Variants in KLHL2 observed in about 807,000 individuals in gnomAD.
KLHL2 encodes the protein kelch like family member 2.
KLHL2 carries 15 observed loss-of-function variants against 75.8 expected under a neutral mutation model. The observed-to-expected ratio is 0.20, with a 90% CI of 0.13 to 0.30. The LOEUF (loss-of-function observed/expected upper bound fraction) is 0.30, where lower values mean the gene tolerates loss of function less well. KLHL2 is among the 10% of genes least tolerant of loss of function. KLHL2 has a pLI of 1.00. For missense variants in KLHL2, 381 were observed against 741.0 expected, an observed-to-expected ratio of 0.51 and a Z score of 5.64; for synonymous variants, 214 against 251.9, an observed-to-expected ratio of 0.85 and a Z score of 1.42.
intron 5 of KLHL2, among the ~76,000 whole-genome samples, chr4:165,263,805 G>GT (rs55901119): frequency 0.023 from 1,548 of 66,508 alleles, 79 homozygotes; most frequent in Admixed American, 0.039. Flanking sequence ...TTTTTACATT[G>GT]TTTTTTTTTT....
chr4:165,306,616 T>C (rs1745747653), intron 9 of KLHL2, among the ~76,000 whole-genome samples: 1 of 152,244 alleles, frequency 6.6e-6, no homozygotes, highest in Admixed American at 6.5e-5. Context: ...CAGTACTTTG[T>C]AATTAAATGT....
chr4:165,208,090 G>A (rs989760506), intron 1 of KLHL2, among the ~76,000 whole-genome samples, 188 bp downstream of exon 1: 1 of 151,846 alleles, frequency 6.6e-6, no homozygotes, highest in African/African-American at 2.4e-5. Flanking sequence ...CTGGCCAGGC[G>A]GTGACTTAAA....
At chr4:165,307,785 T>C (rs1226108472) in intron 9 of KLHL2, among the ~76,000 whole-genome samples, 1 of 152,230 alleles carries the variant, frequency 6.6e-6, no homozygotes, top group Non-Finnish European at 1.5e-5. Context: ...GACAAAATTA[T>C]ATTTTAAAAA....
chr4:165,219,427 A>G (rs1177061383), intron 1 of KLHL2, among the ~76,000 whole-genome samples: 2 of 152,268 alleles, frequency 1.3e-5, no homozygotes, highest in Admixed American at 1.3e-4. Context: ...ACTATTAACT[A>G]ACATGATTAA....
chr4:165,300,736 T>A (rs1745288280), intron 8 of KLHL2, among the ~76,000 whole-genome samples: 1 of 152,184 alleles, frequency 6.6e-6, no homozygotes, highest in Non-Finnish European at 1.5e-5. Context: ...AAAGACTTTA[T>A]TTATGTATTT....
intron 13 of KLHL2, among the ~76,000 whole-genome samples, chr4:165,316,836 G>A (rs929637626): frequency 1.3e-5 from 2 of 152,106 alleles, no homozygotes; most frequent in Non-Finnish European, 2.9e-5. Context: ...TCCAAGGTAG[G>A]TTGGTTGGCC....
At chr4:165,285,764 A>C (rs1172320290) in intron 5 of KLHL2, among the ~76,000 whole-genome samples, 3 of 131,610 alleles carry the variant, frequency 2.3e-5, no homozygotes, top group Non-Finnish European at 3.3e-5. Context: ...TACGGTGGTA[A>C]ATTTTATGTT....
At chr4:165,289,931 AAACTT>A (rs1227439243) in intron 5 of KLHL2, among the ~76,000 whole-genome samples, 1 of 152,224 alleles carries the variant, frequency 6.6e-6, no homozygotes, top group Non-Finnish European at 1.5e-5. Flanking sequence ...TATACAGAAG[AAACTT>A]AACCCAAAAT....
intron 14 of KLHL2, chr4:165,321,395 C>T: frequency 2.4e-6 from 1 of 420,450 alleles, no homozygotes; most frequent in Non-Finnish European, 4.7e-6. Context: ...GTTCCTCTTC[C>T]TTATGACTTT....
intron 5 of KLHL2, among the ~76,000 whole-genome samples, chr4:165,276,421 T>C (rs1743105565): frequency 2.6e-5 from 4 of 152,124 alleles, no homozygotes; most frequent in Admixed American, 2.6e-4. Flanking sequence ...TGAGCAGACT[T>C]CTCGAAGGGA....
intron 5 of KLHL2, among the ~76,000 whole-genome samples, chr4:165,273,330 G>A (rs1742834940): frequency 6.6e-6 from 1 of 152,152 alleles, no homozygotes; most frequent in Non-Finnish European, 1.5e-5. Flanking sequence ...TTAAACAAAT[G>A]CCATTACAAA....
In KLHL2 at chr4:165,261,910, C is replaced by T. The variant is rs570308276; in HGVS notation, c.382-1287C>T. Among the ~76,000 whole-genome samples, 13 of 152,238 alleles carry T rather than the reference C, an allele frequency of 8.5e-5. No individual in the cohort carries two copies. The South Asian group carries it at 2.3e-3, about 27-fold the overall frequency. On this transcript the variant is annotated intron_variant, in intron 4 of 14. Transcript: ENST00000226725. Reference sequence around the variant, plus strand: ...ATATGAAAGTCAATTTCTGAAGGAACTTAGATCTTTTTTTAATGCTAATGT... The same window carrying T: ...ATATGAAAGTCAATTTCTGAAGGAATTTAGATCTTTTTTTAATGCTAATGT...
chr4:165,296,360 G>C (rs1373763486), intron 6 of KLHL2, among the ~76,000 whole-genome samples: 1 of 152,172 alleles, frequency 6.6e-6, no homozygotes, highest in Admixed American at 6.5e-5. Context: ...GTTTCAAGTA[G>C]CCAGACTTCT....
intron 3 of KLHL2, among the ~76,000 whole-genome samples, chr4:165,233,810 C>T (rs1242428222): frequency 1.3e-5 from 2 of 152,114 alleles, no homozygotes; most frequent in Non-Finnish European, 2.9e-5. Flanking sequence ...TAGAATGTTG[C>T]ACAAAGAACT....
intron 5 of KLHL2, among the ~76,000 whole-genome samples, chr4:165,293,144 G>C (rs1454330997): frequency 6.6e-6 from 1 of 152,184 alleles, no homozygotes; most frequent in African/African-American, 2.4e-5. Flanking sequence ...ATTCCCTTGT[G>C]AGGCAGATTT....
chr4:165,296,132 G>C (rs892828241), intron 6 of KLHL2, among the ~76,000 whole-genome samples: 4 of 152,242 alleles, frequency 2.6e-5, no homozygotes, highest in African/African-American at 9.6e-5. Flanking sequence ...AGGTGACCCA[G>C]ATGCCTGGAG....
rs1234364561 is a variant in KLHL2 at position 165,317,840 on chromosome 4, A to G, written c.1624A>G (p.Asn542Asp). ...ATTTTTTAAAGGAGTTTGTGCAGTT[A>G]ATGGTCTGTTATATGTTGTTGGAGG... ...CRRNAGVCAVNGLLYVVGGDD... is the reference protein window; with the variant it reads ...CRRNAGVCAVDGLLYVVGGDD... Residue 542 changes from asparagine to aspartate, a missense_variant, in exon 14 of 15, where the codon AAT becomes GAT. Coordinates refer to ENST00000226725, the MANE Select transcript of KLHL2 (RefSeq NM_007246.4). 1 of 1,609,880 alleles carries G rather than the reference A, an allele frequency of 6.2e-7. No homozygotes were observed. Among genetic ancestry groups the G allele is most frequent in the Admixed American group, 1.7e-5 (1 of 58,510 alleles).
At chr4:165,275,785 G>C (rs1226556461) in intron 5 of KLHL2, among the ~76,000 whole-genome samples, 5 of 152,116 alleles carry the variant, frequency 3.3e-5, no homozygotes, top group African/African-American at 4.8e-5. Flanking sequence ...TTCTGGGCTT[G>C]GTAAGCACTC....
chr4:165,245,375 C>CCTTT (rs1740178948), intron 4 of KLHL2, among the ~76,000 whole-genome samples: 1 of 152,106 alleles, frequency 6.6e-6, no homozygotes, highest in South Asian at 2.1e-4. Context: ...GATGGCAGTG[C>CCTTT]CTTTATCCAG....
Sources: gnomAD v4.1 joint callset for allele counts (sites outside exome capture counted in the v4.1 genomes callset) on GRCh38, gnomAD v4.1.1 for gene constraint, MANE v1.5 for transcripts, NCBI Gene and HGNC (gene_info 2026-07-23, HGNC 2026-07-21) for gene names.